PCDHA10: variants seen among roughly 807,000 people sequenced by gnomAD.
The protein encoded by PCDHA10 is protocadherin alpha-10.
PCDHA10 carries 45 observed loss-of-function variants against 61.2 expected under a neutral mutation model. That is an observed-to-expected ratio of 0.74 (90% CI 0.58 to 0.94). The LOEUF is 0.94. Among genes scored for constraint, PCDHA10 ranks in the 40% least tolerant of loss-of-function variants. PCDHA10 has a pLI of 0.00. For missense variants in PCDHA10, 1,278 were observed against 1,236.2 expected, an observed-to-expected ratio of 1.03 and a Z score of -0.51; for synonymous variants, 602 against 548.8, an observed-to-expected ratio of 1.10 and a Z score of -1.35.
At chr5:140,983,771 A>G (rs963720761) in intron 3 of PCDHA10, among the ~76,000 whole-genome samples, 2 of 152,222 alleles carry the variant, frequency 1.3e-5, no homozygotes, top group Admixed American at 6.5e-5. Flanking sequence ...ATACATATCT[A>G]CATACATAAC....
intron 1 of PCDHA10, chr5:140,884,661 A>C: frequency 6.3e-7 from 1 of 1,590,384 alleles, no homozygotes; most frequent in African/African-American, 1.3e-5. Context: ...TGCTTGAAAG[A>C]GGTAAGCTTA....
intron 3 of PCDHA10, among the ~76,000 whole-genome samples, chr5:140,995,275 A>G (rs1383239362): frequency 6.6e-6 from 1 of 152,146 alleles, no homozygotes; most frequent in African/African-American, 2.4e-5. Context: ...GCCCTTTGAT[A>G]CCAAAACAGC....
At chr5:141,007,145 A>C (rs528280563) in intron 3 of PCDHA10, among the ~76,000 whole-genome samples, 1 of 152,330 alleles carries the variant, frequency 6.6e-6, no homozygotes, top group Admixed American at 6.5e-5. Context: ...CTGACAAAGG[A>C]AACTGTCAAA....
At chr5:140,891,078 T>G (rs1554184657) in intron 1 of PCDHA10, among the ~76,000 whole-genome samples, 1 of 152,198 alleles carries the variant, frequency 6.6e-6, no homozygotes, top group Admixed American at 6.6e-5. Flanking sequence ...CAGTGTCTAC[T>G]GGTTTCCATT....
chr5:140,966,281 G>T, intron 1 of PCDHA10: 1 of 366,828 alleles, frequency 2.7e-6, no homozygotes, highest in Non-Finnish European at 4.8e-6. Context: ...TGGACAGTGG[G>T]GGTAGGGAGA....
intron 1 of PCDHA10, among the ~76,000 whole-genome samples, chr5:140,899,326 T>G (rs1203153086): frequency 6.6e-6 from 1 of 152,230 alleles, no homozygotes; most frequent in Non-Finnish European, 1.5e-5. Flanking sequence ...TGGCTGTGGG[T>G]TTGTCATAGA....
Position 140,856,366 on chromosome 5 carries a change from G to A in PCDHA10, c.318G>A (p.Glu106=), listed in dbSNP as rs1388631411. ...GCGTGGAGTGCAGCATCCACCTGGA[G>A]GTGATCGTGGACAGGCCGCTGCAGG... The part of the protein sequence containing the change: ...GRSVECSIHL[E]VIVDRPLQVF... Residue 106 remains glutamate, a synonymous_variant, in exon 1 of 4, where the codon GAG becomes GAA. Transcript: ENST00000307360. The A allele has an allele frequency of 1.3e-6, 2 of 1,598,482 alleles. No individual in the cohort carries two copies. The highest frequency in any genetic ancestry group is 1.7e-5 in the Admixed American group (1 of 59,270).
chr5:140,967,665 C>T (rs782126222), intron 1 of PCDHA10: 23 of 1,614,036 alleles, frequency 1.4e-5, no homozygotes, highest in East Asian at 2.2e-5. Context: ...AGCAGCTACA[C>T]GTCGGACCGG....
chr5:140,857,704 G>T lies in PCDHA10; in HGVS notation c.1656G>T (p.Val552=). 1 of 1,597,424 alleles carries T rather than the reference G, an allele frequency of 6.3e-7. No homozygotes were observed. The highest frequency in any genetic ancestry group is 1.7e-5 in the Admixed American group (1 of 59,306). ...PPLGSNLTLQ[V]FVLDENDNAP... is the part of the protein sequence containing the mutation. ...TGGGCAGCAACTTGACGCTGCAGGT[G>T]TTCGTGCTGGACGAGAACGACAACG... The change falls in exon 1 of 4, where the codon GTG becomes GTT. Residue 552 remains valine (V), a synonymous_variant. Transcript: ENST00000307360.
intron 3 of PCDHA10, among the ~76,000 whole-genome samples, chr5:141,005,884 T>G (rs1554260408): frequency 6.6e-6 from 1 of 151,862 alleles, no homozygotes; most frequent in Non-Finnish European, 1.5e-5. Flanking sequence ...GAGTTTGAGG[T>G]TACATCAAGC....
chr5:141,009,716 C>A lies in PCDHA10; in HGVS notation c.2626C>A (p.Gln876Lys). Residue 876 changes from glutamine (Q) to lysine (K), a missense_variant, in exon 4 of 4, where the codon CAA becomes AAA. Transcript: ENST00000307360. ...TFKYGPGNPK[Q>K]SGPGELPDKF... is the part of the protein sequence containing the mutation. ...TAAATACGGACCAGGCAACCCCAAACAATCCGGTCCCGGTGAGTTGCCCGA... is the reference window on the plus strand; with the variant it reads ...TAAATACGGACCAGGCAACCCCAAAAAATCCGGTCCCGGTGAGTTGCCCGA... 3 of 1,614,168 alleles carry A rather than the reference C, an allele frequency of 1.9e-6. No homozygotes were observed. The highest frequency in any genetic ancestry group is 2.5e-6 in the Non-Finnish European group (3 of 1,180,034).
chr5:140,878,784 C>T (rs2057723762), intron 1 of PCDHA10, among the ~76,000 whole-genome samples: 1 of 152,156 alleles, frequency 6.6e-6, no homozygotes, highest in Non-Finnish European at 1.5e-5. Flanking sequence ...AGTATATGTT[C>T]AATCACTTTT....
intron 1 of PCDHA10, chr5:140,883,895 C>T: frequency 6.2e-7 from 1 of 1,613,426 alleles, no homozygotes; most frequent in Non-Finnish European, 8.5e-7. Flanking sequence ...CTCTGGCGTG[C>T]CGCCTCTGGG....
chr5:140,900,178 T>C (rs972449455), intron 1 of PCDHA10, among the ~76,000 whole-genome samples: 2 of 152,238 alleles, frequency 1.3e-5, no homozygotes, highest in African/African-American at 2.4e-5. Context: ...GCCTGGTTTA[T>C]GTCACTTATA....
Position 140,982,555 on chromosome 5 carries a change from C to T in PCDHA10, c.2528C>T (p.Ala843Val). The change falls in exon 3 of 4, where the codon GCA becomes GTA. Residue 843 changes from alanine (A) to valine (V), a missense_variant. Transcript: ENST00000307360. Reference sequence around the variant, plus strand: ...CAGCAGTGGCCAACAGTATCCAGTGCAACACCAGGTAAAGAGCTGGGGTCT... The same window carrying T: ...CAGCAGTGGCCAACAGTATCCAGTGTAACACCAGGTAAAGAGCTGGGGTCT... Reference protein sequence around the residue: ...PDQQWPTVSSATPEPEAGEVS... With the variant: ...PDQQWPTVSSVTPEPEAGEVS... The T allele has an allele frequency of 6.2e-7, 1 of 1,614,108 alleles. No homozygotes were observed. The highest frequency in any genetic ancestry group is 8.5e-7 in the Non-Finnish European group (1 of 1,179,990).
intron 1 of PCDHA10, among the ~76,000 whole-genome samples, chr5:140,899,684 G>T (rs1554188704): frequency 6.6e-6 from 1 of 152,154 alleles, no homozygotes; most frequent in African/African-American, 2.4e-5. Context: ...TCAGGATGAT[G>T]CTGGCCTCAT....
intron 1 of PCDHA10, among the ~76,000 whole-genome samples, chr5:140,895,833 C>G (rs1325973837): frequency 2.0e-5 from 3 of 152,038 alleles, no homozygotes; most frequent in Non-Finnish European, 2.9e-5. Context: ...TTTTTTCAGA[C>G]AAAGTCTCAC....
At chr5:140,924,968 C>T (rs1376675912) in intron 1 of PCDHA10, among the ~76,000 whole-genome samples, 1 of 150,880 alleles carries the variant, frequency 6.6e-6, no homozygotes, top group Non-Finnish European at 1.5e-5. Context: ...AAGGTGAGTG[C>T]AGTGGCTCAT....
Position 140,969,610 on chromosome 5 carries a change from G to A in PCDHA10, c.2389-9339G>A, listed in dbSNP as rs1468528731. 9 of 723,424 alleles carry A rather than the reference G, an allele frequency of 1.2e-5. No individual in the cohort carries two copies. In the African/African-American group the frequency reaches 1.4e-4, roughly 11 times the overall value. The allele number at this position is 723,424 out of a possible 1,614,324, so 44.8% of individuals were successfully genotyped here. On this transcript the variant is annotated intron_variant, in intron 1 of 3. Transcript: ENST00000307360. ...TCTTAATATTTAATGCTAAAACACA[G>A]ATTTGTAGAGAAACAGGACAGGCCT...
Sources: allele counts gnomAD v4.1 joint callset (sites outside exome capture counted in the v4.1 genomes callset), GRCh38; gene constraint gnomAD v4.1.1; transcripts MANE v1.5; gene names NCBI Gene and HGNC (gene_info 2026-07-23, HGNC 2026-07-21).